MAPKAPK2: variants seen among roughly 807,000 people sequenced by gnomAD.
MAPKAPK2 encodes MAPK activated protein kinase 2.
Under a neutral mutation model 48.8 loss-of-function variants are expected in MAPKAPK2, and 9 were observed. That is an observed-to-expected ratio of 0.18 (90% confidence interval 0.11 to 0.32). MAPKAPK2 has a LOEUF of 0.32. Among genes scored for constraint, MAPKAPK2 ranks in the 10% least tolerant of loss-of-function variants. The pLI is 1.00. For missense variants in MAPKAPK2, 331 were observed against 498.3 expected, an observed-to-expected ratio of 0.66 and a Z score of 3.20; for synonymous variants, 202 against 190.6, an observed-to-expected ratio of 1.06 and a Z score of -0.49.
chr1:206,691,798 C>T lies in MAPKAPK2; in HGVS notation c.279+6290C>T, dbSNP rs187992929. On this transcript the variant is annotated intron_variant, in intron 1 of 9. Transcript: ENST00000367103. ...GCTGACTTGCTCCGGGTCTGACCATCAGCAGTATCTGGGTCAGCACAGATG... is the reference window on the plus strand; with the variant it reads ...GCTGACTTGCTCCGGGTCTGACCATTAGCAGTATCTGGGTCAGCACAGATG... Among the ~76,000 whole-genome samples, 37 of 152,166 alleles carry T rather than the reference C, an allele frequency of 2.4e-4. 1 individual carries two copies. The highest frequency in any genetic ancestry group is 6.2e-4 in the South Asian group (3 of 4,822).
chr1:206,731,340 A>T lies in MAPKAPK2; in HGVS notation c.892+78A>T. 1 of 1,589,326 alleles carries T rather than the reference A, an allele frequency of 6.3e-7. No homozygotes were observed. Among genetic ancestry groups the T allele is most frequent in the East Asian group, 2.3e-5 (1 of 43,892 alleles). ...TGTGTATGTGTGTACACGCAGACAC[A>T]TGTATGGGCCTCCATCTCATGTGCG... On this transcript the variant is annotated intron_variant, in intron 7 of 9. Transcript: ENST00000367103. The surrounding 1 kb of genome is among the most constrained non-coding windows in gnomAD (Gnocchi z 5.9).
At chr1:206,719,177 C>T (rs1256686833) in intron 1 of MAPKAPK2, among the ~76,000 whole-genome samples, 8 of 152,132 alleles carry the variant, frequency 5.3e-5, no homozygotes, top group South Asian at 2.1e-4. Flanking sequence ...GCCTTTTATC[C>T]ATCATGTGTT....
intron 1 of MAPKAPK2, among the ~76,000 whole-genome samples, chr1:206,686,821 C>G (rs868918491): frequency 6.6e-6 from 1 of 152,150 alleles, no homozygotes; most frequent in African/African-American, 2.4e-5. Flanking sequence ...TCCTGCTGCT[C>G]TCATACTCAA....
chr1:206,705,464 G>A (rs1393776016), intron 1 of MAPKAPK2, among the ~76,000 whole-genome samples: 2 of 152,232 alleles, frequency 1.3e-5, no homozygotes, highest in African/African-American at 4.8e-5. Flanking sequence ...CTGGGTATTG[G>A]ACAAGGGAGA....
rs782631286 is a variant in MAPKAPK2 at position 206,685,517 on chromosome 1, G to C, written c.279+9G>C. ...AGAAATTCGCCCTCAAAGTAGGTCTGGGGCCCGGGGAGGGGAGGCGGGGCC... is the reference window on the plus strand; with the variant it reads ...AGAAATTCGCCCTCAAAGTAGGTCTCGGGCCCGGGGAGGGGAGGCGGGGCC... On this transcript the variant is annotated intron_variant, in intron 1 of 9. Transcript: ENST00000367103. 6.7e-7 allele frequency: 1 copy of C among 1,503,536 alleles called. No homozygotes were observed. Among genetic ancestry groups the C allele is most frequent in the East Asian group, 3.0e-5 (1 of 33,580 alleles). 93.1% of individuals were successfully genotyped at this position (1,503,536 alleles called of 1,614,324 possible). A position where few individuals can be genotyped will look rare whatever the true frequency, so the allele number is the denominator to read the frequency against.
chr1:206,719,540 C>T (rs1673447970), intron 1 of MAPKAPK2, among the ~76,000 whole-genome samples: 1 of 152,214 alleles, frequency 6.6e-6, no homozygotes, highest in African/African-American at 2.4e-5. Flanking sequence ...ATCTCATCAA[C>T]CTTCTAAGGC....
intron 1 of MAPKAPK2, among the ~76,000 whole-genome samples, chr1:206,701,831 T>A (rs9661238): frequency 0.35 from 30,379 of 87,282 alleles, 4,306 homozygotes; most frequent in Admixed American, 0.42. Context: ...ACCCTGTCTC[T>A]AAAAAAAAAA....
At chr1:206,727,339 T>C (rs782397301) in intron 1 of MAPKAPK2, among the ~76,000 whole-genome samples, 1 of 152,230 alleles carries the variant, frequency 6.6e-6, no homozygotes, top group Admixed American at 6.5e-5. Context: ...AAAGGAAGGG[T>C]AGATCAGGAT....
In MAPKAPK2 at chr1:206,708,957, T is replaced by G. The variant is rs181941193; in HGVS notation, c.280-19753T>G. ...TTATGCTGAGCAGTATTCCATTGTA[T>G]AGATATGATAAAATTTGCTTCTCCA... On this transcript the variant is annotated intron_variant, in intron 1 of 9. Transcript: ENST00000367103. Among the ~76,000 whole-genome samples, 4 of 152,382 alleles carry G rather than the reference T, an allele frequency of 2.6e-5. No homozygotes were observed. The East Asian group carries it at 5.8e-4, about 22-fold the overall frequency.
At chr1:206,690,831 G>A (rs921517622) in intron 1 of MAPKAPK2, among the ~76,000 whole-genome samples, 1 of 152,216 alleles carries the variant, frequency 6.6e-6, no homozygotes, top group African/African-American at 2.4e-5. Flanking sequence ...CTGAGCTGGG[G>A]TTCTTCCTGG....
chr1:206,708,770 A>G (rs184500423), intron 1 of MAPKAPK2, among the ~76,000 whole-genome samples: 8 of 152,284 alleles, frequency 5.3e-5, no homozygotes, highest in Non-Finnish European at 1.0e-4. Flanking sequence ...TTGTTTCCCA[A>G]TCATCCCAAC....
intron 1 of MAPKAPK2, among the ~76,000 whole-genome samples, chr1:206,691,549 A>G (rs1033156555): frequency 6.7e-5 from 10 of 148,188 alleles, no homozygotes; most frequent in African/African-American, 2.2e-4. Flanking sequence ...GCTTGTTACC[A>G]TGGGTTATGT....
intron 1 of MAPKAPK2, among the ~76,000 whole-genome samples, chr1:206,717,588 G>T (rs1558583263): frequency 6.6e-6 from 1 of 152,174 alleles, no homozygotes; most frequent in Admixed American, 6.5e-5. Context: ...CCTCTGGGAA[G>T]ATGCCAGGCC....
intron 1 of MAPKAPK2, among the ~76,000 whole-genome samples, chr1:206,713,169 A>C (rs1673213694): frequency 6.6e-6 from 1 of 152,150 alleles, no homozygotes; most frequent in African/African-American, 2.4e-5. Flanking sequence ...GAAAAGAGAA[A>C]CCGTTTTATA....
chr1:206,724,672 T>G (rs1553431689), intron 1 of MAPKAPK2, among the ~76,000 whole-genome samples: 1 of 152,080 alleles, frequency 6.6e-6, no homozygotes, highest in South Asian at 2.1e-4. Context: ...ATACTACCTT[T>G]TCCAATTTAT....
In MAPKAPK2 at chr1:206,732,209, A is replaced by G; in HGVS notation, c.1059+290A>G. The G allele has an allele frequency of 6.4e-7, 1 of 1,566,084 alleles. No individual in the cohort carries two copies. The highest frequency in any genetic ancestry group is 8.7e-7 in the Non-Finnish European group (1 of 1,150,628). ...GTATCATCTTCTCATTTTGCAGAAG[A>G]GAAACTGAGGCCCAGAGGCGGAGGG... On this transcript the variant is annotated intron_variant, in intron 9 of 9. Coordinates refer to ENST00000367103, the MANE Select transcript of MAPKAPK2 (RefSeq NM_032960.4). The surrounding 1 kb of genome is among the most constrained non-coding windows in gnomAD (Gnocchi z 4.4).
chr1:206,714,542 C>A (rs1553430046), intron 1 of MAPKAPK2, among the ~76,000 whole-genome samples: 1 of 151,682 alleles, frequency 6.6e-6, no homozygotes, highest in Admixed American at 6.6e-5. Context: ...GCAGGCGGAT[C>A]ACCTGAGGTC....
intron 1 of MAPKAPK2, among the ~76,000 whole-genome samples, chr1:206,703,729 C>A (rs1377194771): frequency 6.6e-6 from 1 of 152,188 alleles, no homozygotes; most frequent in African/African-American, 2.4e-5. Context: ...GAGGGGAGAG[C>A]TGACATCAGA....
intron 1 of MAPKAPK2, among the ~76,000 whole-genome samples, chr1:206,724,236 T>C (rs915035084): frequency 2.6e-5 from 4 of 152,210 alleles, no homozygotes; most frequent in Admixed American, 1.3e-4. Context: ...GCTCTGCTGG[T>C]GGCCTCTGGC....
Sources: gnomAD v4.1 joint callset for allele counts (sites outside exome capture counted in the v4.1 genomes callset) on GRCh38, gnomAD v4.1.1 for gene constraint, Gnocchi (gnomAD v3.1) non-coding constraint, MANE v1.5 for transcripts, NCBI Gene and HGNC (gene_info 2026-07-23, HGNC 2026-07-21) for gene names.